HYAL2: variants seen among roughly 807,000 people sequenced by gnomAD.
HYAL2 encodes hyaluronidase-2.
Under a neutral mutation model 35.4 loss-of-function variants are expected in HYAL2, and 30 were observed. The observed-to-expected ratio is 0.85, with a 90% CI of 0.63 to 1.15. HYAL2 has a LOEUF of 1.15. Ranked by LOEUF, HYAL2 falls within the 50% of genes most tolerant of loss-of-function variation. The pLI is 0.00. For missense variants in HYAL2, 635 were observed against 646.5 expected (o/e 0.98, Z 0.19); for synonymous variants, 262 against 252.8 (o/e 1.04, Z -0.34).
At position 50,320,494 on chromosome 3, in the gene HYAL2, G is replaced by C. The variant is rs1385169281; in HGVS notation, c.-5C>G. 6.6e-7 allele frequency: 1 copy of C among 1,524,544 alleles called. No homozygotes were observed. The highest frequency in any genetic ancestry group is 2.3e-5 in the East Asian group (1 of 44,008). The allele number at this position is 1,524,544 out of a possible 1,614,324, so 94.4% of individuals were successfully genotyped here. On this transcript the variant is annotated 5_prime_UTR_variant, in exon 2 of 4. Transcript: ENST00000357750. The surrounding 1 kb of genome is among the most constrained non-coding windows in gnomAD (Gnocchi z 4.8). ...GGGGCCTGGGCCTGCCCGCATGCTG[G>C]GGGCTGCAGGAGGTGTCACCTGCCT...
At position 50,320,451 on chromosome 3, in the gene HYAL2, C is replaced by A; in HGVS notation, c.39G>T (p.Leu13=). 6.4e-7 allele frequency: 1 copy of A among 1,574,652 alleles called. No individual in the cohort carries two copies. Among genetic ancestry groups the A allele is most frequent in the Non-Finnish European group, 8.6e-7 (1 of 1,158,894 alleles). ...AGPGPTVTLA[L]VLAVSWAMEL... is the part of the protein sequence containing the mutation. ...CCATGGCCCATGACACCGCCAGCAC[C>A]AGGGCCAATGTAACGGTGGGGCCTG... is the stretch of plus-strand genomic sequence containing the variant. Residue 13 remains leucine, a synonymous_variant, in exon 2 of 4, where the codon CTG becomes CTT. Transcript: ENST00000357750. This position sits in a 1 kb window ranked among gnomAD's most constrained non-coding sequence, Gnocchi z 4.8.
At position 50,320,321 on chromosome 3, in the gene HYAL2, G is replaced by C. The variant is rs782207038; in HGVS notation, c.169C>G (p.Leu57Val). The C allele has an allele frequency of 1.9e-6, 3 of 1,613,988 alleles. No homozygotes were observed. Among genetic ancestry groups the C allele is most frequent in the African/African-American group, 1.3e-5 (1 of 75,070 alleles). ...GAGGCCTGCACATCAAAGGCATTCA[G>C]GTCCAGTGGCACCTTGAGGCGTGGG... ...CGPRLKVPLD[L>V]NAFDVQASPN... The change falls in exon 2 of 4, where the codon CTG (leucine) becomes GTG (valine). Residue 57 changes from leucine to valine, a missense_variant. Physicochemically the swap from Leu to Val is conservative, Grantham distance 32. Transcript: ENST00000357750. The surrounding 1 kb of genome is among the most constrained non-coding windows in gnomAD (Gnocchi z 4.8).
Position 50,318,760 on chromosome 3 carries a change from C to T in HYAL2, c.1011+196G>A, listed in dbSNP as rs1035653307. On this transcript the variant is annotated intron_variant, in intron 3 of 3. Coordinates refer to ENST00000357750, the MANE Select transcript of HYAL2 (RefSeq NM_003773.5). The surrounding 1 kb of genome is among the most constrained non-coding windows in gnomAD (Gnocchi z 4.5). Reference sequence around the variant, plus strand: ...GCAGATGGGGAAGGGCGGAACTCAACAGCTGTTCAGGACAGCATTTCCTCT... The same window carrying T: ...GCAGATGGGGAAGGGCGGAACTCAATAGCTGTTCAGGACAGCATTTCCTCT... 5 of 662,420 alleles carry T rather than the reference C, an allele frequency of 7.5e-6. No homozygotes were observed. The highest frequency in any genetic ancestry group is 3.5e-4 in the Middle Eastern group (1 of 2,882). The allele number at this position is 662,420 out of a possible 1,614,324, so 41.0% of individuals were successfully genotyped here.
rs1299946091 is a variant in HYAL2, at chr3:50,322,040, C to G, written c.-47+613G>C. The G allele has an allele frequency of 6.6e-6, 1 of 152,212 alleles. No individual in the cohort carries two copies. Among genetic ancestry groups the G allele is most frequent in the African/African-American group, 2.4e-5 (1 of 41,438 alleles). 9.4% of individuals were successfully genotyped at this position (152,212 alleles called of 1,614,324 possible). On this transcript the variant is annotated intron_variant, in intron 1 of 3. Transcript: ENST00000357750. This position sits in a 1 kb window ranked among gnomAD's most constrained non-coding sequence, Gnocchi z 5.5. ...TCCCACGAATCAGGGGCCCCCTTCT[C>G]TGGTCCGCCGTCTAAAGGGAGGCCC...
rs1434272070 is a variant in HYAL2 at position 50,318,643 on chromosome 3, T to C, written c.1012-104A>G. On this transcript the variant is annotated intron_variant, in intron 3 of 3. Transcript: ENST00000357750. This position sits in a 1 kb window ranked among gnomAD's most constrained non-coding sequence, Gnocchi z 4.5. ...TGTGATGACTATACCTTATTTTAAC[T>C]GCACACATTCATACATTCAATCTGC... 5 of 1,076,574 alleles carry C rather than the reference T, an allele frequency of 4.6e-6. No individual in the cohort carries two copies. The highest frequency in any genetic ancestry group is 1.5e-5 in the South Asian group (1 of 64,850). The allele number at this position is 1,076,574 out of a possible 1,614,324, so 66.7% of individuals were successfully genotyped here.
Position 50,320,021 on chromosome 3 carries a change from G to T in HYAL2, c.469C>A (p.Gln157Lys), listed in dbSNP as rs1553716338. 6.2e-7 allele frequency: 1 copy of T among 1,613,260 alleles called. No individual in the cohort carries two copies. The highest frequency in any genetic ancestry group is 1.3e-5 in the African/African-American group (1 of 74,940). The change falls in exon 2 of 4, where the codon CAG (glutamine) becomes AAG (lysine). Residue 157 changes from glutamine to lysine, a missense_variant. Physicochemically the swap from Gln to Lys is moderately conservative, Grantham distance 53. Transcript: ENST00000357750. The surrounding 1 kb of genome is among the most constrained non-coding windows in gnomAD (Gnocchi z 4.8). ...DKDVYRRLSR[Q>K]LVASRHPDWP... ...TCAGGGTGACGACTGGCCACTAGCTGGCGTGATAACCGGCGATACACATCT... is the reference window on the plus strand; with the variant it reads ...TCAGGGTGACGACTGGCCACTAGCTTGCGTGATAACCGGCGATACACATCT...
Position 50,319,711 on chromosome 3 carries a change from GAAGC to G in HYAL2, c.775_778del (p.Ala259ProfsTer9). 6.2e-7 allele frequency: 1 copy of G among 1,613,884 alleles called. No homozygotes were observed. The highest frequency in any genetic ancestry group is 8.5e-7 in the Non-Finnish European group (1 of 1,180,048). On this transcript the variant is annotated frameshift_variant, in exon 2 of 4. Transcript: ENST00000357750. LOFTEE classifies it high-confidence loss of function. ...CACAAAGTTGCGGCCATGGCGGGAG[GAAGC>G]AAGTGTCTCGTCCAGGTAGACAGAC...
rs1553716824 is a variant in HYAL2 at position 50,322,022 on chromosome 3, A to T, written c.-47+631T>A. 6.6e-6 allele frequency: 1 copy of T among 151,974 alleles called. No individual in the cohort carries two copies. Among genetic ancestry groups the T allele is most frequent in the Non-Finnish European group, 1.5e-5 (1 of 67,954 alleles). The allele number at this position is 151,974 out of a possible 1,614,324, so 9.4% of individuals were successfully genotyped here. A position where few individuals can be genotyped will look rare whatever the true frequency, so the allele number is the denominator to read the frequency against. ...GGAGAGTAGTGCCCCGCCTCCCACG[A>T]ATCAGGGGCCCCCTTCTCTGGTCCG... On this transcript the variant is annotated intron_variant, in intron 1 of 3. Transcript: ENST00000357750. This position sits in a 1 kb window ranked among gnomAD's most constrained non-coding sequence, Gnocchi z 5.5.
In HYAL2 at chr3:50,318,696, CT is replaced by C; in HGVS notation, c.1012-158del. 1 of 796,324 alleles carries C rather than the reference CT, an allele frequency of 1.3e-6. No individual in the cohort carries two copies. 49.3% of individuals were successfully genotyped at this position (796,324 alleles called of 1,614,324 possible). ...CTGAGCCACACAGTCCCTGCTCCTG[CT>C]GAGAAGTGGGTGGGGGTACAGACCG... On this transcript the variant is annotated intron_variant, in intron 3 of 3. Transcript: ENST00000357750. This position sits in a 1 kb window ranked among gnomAD's most constrained non-coding sequence, Gnocchi z 4.5.
chr3:50,318,805 G>C lies in HYAL2; in HGVS notation c.1011+151C>G, dbSNP rs587601093. On this transcript the variant is annotated intron_variant, in intron 3 of 3. Coordinates refer to ENST00000357750, the MANE Select transcript of HYAL2 (RefSeq NM_003773.5). This position sits in a 1 kb window ranked among gnomAD's most constrained non-coding sequence, Gnocchi z 4.5. The stretch of plus-strand genomic sequence containing the variant: ...TCCTCTTTCCTGAGAGCAGGGCCGG[G>C]GTGACCTCCTCCTGTTGCCACCAGG... 1 of 738,168 alleles carries C rather than the reference G, an allele frequency of 1.4e-6. No individual in the cohort carries two copies. Among genetic ancestry groups the C allele is most frequent in the Non-Finnish European group, 2.3e-6 (1 of 428,014 alleles). 45.7% of individuals were successfully genotyped at this position (738,168 alleles called of 1,614,324 possible).
In HYAL2 at chr3:50,318,008, G is replaced by A. The variant is rs781892094; in HGVS notation, c.*121C>T. On this transcript the variant is annotated 3_prime_UTR_variant, in exon 4 of 4. Coordinates refer to ENST00000357750, the MANE Select transcript of HYAL2 (RefSeq NM_003773.5). The surrounding 1 kb of genome is among the most constrained non-coding windows in gnomAD (Gnocchi z 4.5). ...TGCGAGCTGGTATGGATGCCCTCCT[G>A]GGCTTCCTGGGGGCTCTGCCCACTC... 56 of 1,122,210 alleles carry A rather than the reference G, an allele frequency of 5.0e-5. No homozygotes were observed. The highest frequency in any genetic ancestry group is 7.0e-5 in the Non-Finnish European group (55 of 783,018). 69.5% of individuals were successfully genotyped at this position (1,122,210 alleles called of 1,614,324 possible).
In HYAL2 at chr3:50,318,619, G is replaced by A; in HGVS notation, c.1012-80C>T. Reference sequence around the variant, plus strand: ...CCCAGATGGAAACTGTGTCCACACTGTGATGACTATACCTTATTTTAACTG... The same window carrying A: ...CCCAGATGGAAACTGTGTCCACACTATGATGACTATACCTTATTTTAACTG... On this transcript the variant is annotated intron_variant, in intron 3 of 3. Transcript: ENST00000357750. The surrounding 1 kb of genome is among the most constrained non-coding windows in gnomAD (Gnocchi z 4.5). 1 of 1,285,114 alleles carries A rather than the reference G, an allele frequency of 7.8e-7. No individual in the cohort carries two copies. The allele number at this position is 1,285,114 out of a possible 1,614,324, so 79.6% of individuals were successfully genotyped here.
In HYAL2 at chr3:50,320,720, C is replaced by T; in HGVS notation, c.-46-185G>A. ...CCCTGGGAACTCACTGCCAGAAGCA[C>T]AGGGCTCTTTTCTGGAGCAGGTAGC... On this transcript the variant is annotated intron_variant, in intron 1 of 3. Transcript: ENST00000357750. The surrounding 1 kb of genome is among the most constrained non-coding windows in gnomAD (Gnocchi z 4.8). 1 of 511,320 alleles carries T rather than the reference C, an allele frequency of 2.0e-6. No homozygotes were observed. Among genetic ancestry groups the T allele is most frequent in the Non-Finnish European group, 3.4e-6 (1 of 291,496 alleles). 31.7% of individuals were successfully genotyped at this position (511,320 alleles called of 1,614,324 possible).
In HYAL2 at chr3:50,320,483, C is replaced by G. The variant is rs782089963; in HGVS notation, c.7G>C (p.Ala3Pro). 1.3e-6 allele frequency: 2 copies of G among 1,535,154 alleles called. No homozygotes were observed. The highest frequency in any genetic ancestry group is 1.4e-5 in the African/African-American group (1 of 72,666). Residue 3 changes from alanine (A) to proline (P), a missense_variant, in exon 2 of 4, where the codon GCA (alanine) becomes CCA (proline). Physicochemically the swap from Ala to Pro is conservative, Grantham distance 27. Transcript: ENST00000357750. This position sits in a 1 kb window ranked among gnomAD's most constrained non-coding sequence, Gnocchi z 4.8. ...AATGTAACGGTGGGGCCTGGGCCTG[C>G]CCGCATGCTGGGGGCTGCAGGAGGT... is the stretch of plus-strand genomic sequence containing the variant. MR[A>P]GPGPTVTLAL...
Position 50,318,599 on chromosome 3 carries a change from A to T in HYAL2, c.1012-60T>A, listed in dbSNP as rs116069805. ...CAGCTGCCTCAGCCCACAGGCCCAG[A>T]TGGAAACTGTGTCCACACTGTGATG... On this transcript the variant is annotated intron_variant, in intron 3 of 3. Transcript: ENST00000357750. This position sits in a 1 kb window ranked among gnomAD's most constrained non-coding sequence, Gnocchi z 4.5. 4 of 1,452,558 alleles carry T rather than the reference A, an allele frequency of 2.8e-6. No individual in the cohort carries two copies. In the East Asian group the frequency reaches 6.8e-5, roughly 25 times the overall value. 90.0% of individuals were successfully genotyped at this position (1,452,558 alleles called of 1,614,324 possible).
In HYAL2 at chr3:50,320,238, G is replaced by A. The variant is rs781944878; in HGVS notation, c.252C>T (p.Gly84=). 1 of 1,614,026 alleles carries A rather than the reference G, an allele frequency of 6.2e-7. No individual in the cohort carries two copies. The change falls in exon 2 of 4, where the codon GGC becomes GGT. Residue 84 remains glycine, a synonymous_variant. Coordinates refer to ENST00000357750, the MANE Select transcript of HYAL2 (RefSeq NM_003773.5). The surrounding 1 kb of genome is among the most constrained non-coding windows in gnomAD (Gnocchi z 4.8). ...NITIFYRDRL[G]LYPRFDSAGR... is the part of the protein sequence containing the mutation. ...CGGCAGAATCGAAGCGTGGATACAGGCCTAGACGGTCGCGGTAGAAGATGG... is the reference window on the plus strand; with the variant it reads ...CGGCAGAATCGAAGCGTGGATACAGACCTAGACGGTCGCGGTAGAAGATGG...
Position 50,318,597 on chromosome 3 carries a change from A to G in HYAL2, c.1012-58T>C. On this transcript the variant is annotated intron_variant, in intron 3 of 3. Transcript: ENST00000357750. This position sits in a 1 kb window ranked among gnomAD's most constrained non-coding sequence, Gnocchi z 4.5. The stretch of plus-strand genomic sequence containing the variant: ...GTCAGCTGCCTCAGCCCACAGGCCC[A>G]GATGGAAACTGTGTCCACACTGTGA... The G allele has an allele frequency of 1.4e-6, 2 of 1,465,358 alleles. No homozygotes were observed. Among genetic ancestry groups the G allele is most frequent in the Non-Finnish European group, 1.9e-6 (2 of 1,073,850 alleles). The allele number at this position is 1,465,358 out of a possible 1,614,324, so 90.8% of individuals were successfully genotyped here.
rs1702594383 is a variant in HYAL2, at chr3:50,318,029, C to T, written c.*100G>A. ...TCCTGGGCTTCCTGGGGGCTCTGCC[C>T]ACTCCAGACTCCAGTTTGTCCACCC... On this transcript the variant is annotated 3_prime_UTR_variant, in exon 4 of 4. Transcript: ENST00000357750. The surrounding 1 kb of genome is among the most constrained non-coding windows in gnomAD (Gnocchi z 4.5). The T allele has an allele frequency of 6.0e-6, 8 of 1,328,294 alleles. No homozygotes were observed. Among genetic ancestry groups the T allele is most frequent in the Non-Finnish European group, 8.3e-6 (8 of 968,760 alleles). The allele number at this position is 1,328,294 out of a possible 1,614,324, so 82.3% of individuals were successfully genotyped here.
Position 50,318,412 on chromosome 3 carries a change from T to G in HYAL2, c.1139A>C (p.Asn380Thr). Residue 380 changes from asparagine to threonine, a missense_variant, in exon 4 of 4, where the codon AAC becomes ACC. Transcript: ENST00000357750. This position sits in a 1 kb window ranked among gnomAD's most constrained non-coding sequence, Gnocchi z 4.5. ...ATGCAGGAAGGTACTGGCACTGGGG[T>G]TGCGGCGCACACAGCGCCCATGGCC... Reference protein sequence around the residue: ...CHGHGRCVRRNPSASTFLHLS... With the variant: ...CHGHGRCVRRTPSASTFLHLS... 6.2e-7 allele frequency: 1 copy of G among 1,613,232 alleles called. No individual in the cohort carries two copies. The highest frequency in any genetic ancestry group is 1.3e-5 in the African/African-American group (1 of 75,046).
Sources: allele counts gnomAD v4.1 joint callset, GRCh38; gene constraint gnomAD v4.1.1; non-coding constraint Gnocchi (gnomAD v3.1); transcripts MANE v1.5; gene names NCBI Gene and HGNC (gene_info 2026-07-23, HGNC 2026-07-21).